SLC25A21: variants seen among roughly 807,000 people sequenced by gnomAD.
The protein encoded by SLC25A21 is mitochondrial 2-oxodicarboxylate carrier.
A neutral mutation model predicts 43.8 loss-of-function variants in SLC25A21; 47 were observed. The observed-to-expected ratio is 1.07, with a 90% CI of 0.85 to 1.37. SLC25A21 has a LOEUF of 1.37. Ranked by LOEUF, SLC25A21 falls within the 40% of genes most tolerant of loss-of-function variation. The pLI, the probability that SLC25A21 is intolerant of heterozygous loss-of-function variation, is 0.00. For missense variants in SLC25A21, 352 were observed against 350.2 expected (o/e 1.00, Z -0.04); for synonymous variants, 131 against 121.3 (o/e 1.08, Z -0.52).
intron 1 of SLC25A21, among the ~76,000 whole-genome samples, chr14:37,043,675 A>G (rs1961522170): frequency 6.6e-6 from 1 of 152,126 alleles, no homozygotes. Flanking sequence ...CTGTACCTAC[A>G]AAGACTGCAG....
chr14:36,747,282 A>G (rs1885537084), intron 3 of SLC25A21, among the ~76,000 whole-genome samples: 1 of 152,142 alleles, frequency 6.6e-6, no homozygotes, highest in Non-Finnish European at 1.5e-5. Context: ...CTCTGGAGCC[A>G]CACTCTTTGG....
intron 1 of SLC25A21, among the ~76,000 whole-genome samples, chr14:37,111,089 G>T (rs913390601): frequency 1.3e-5 from 2 of 152,076 alleles, no homozygotes; most frequent in Non-Finnish European, 2.9e-5. Context: ...TTCTCTCAAT[G>T]CCTCAATGTT....
chr14:36,846,355 A>T (rs1889542184), intron 2 of SLC25A21, among the ~76,000 whole-genome samples: 1 of 152,144 alleles, frequency 6.6e-6, no homozygotes, highest in Non-Finnish European at 1.5e-5. Context: ...GAAACCCATC[A>T]TCATTTCCAT....
intron 1 of SLC25A21, among the ~76,000 whole-genome samples, chr14:37,112,828 T>C (rs1594799120): frequency 6.6e-6 from 1 of 152,180 alleles, no homozygotes; most frequent in Non-Finnish European, 1.5e-5. Flanking sequence ...CTTCACCTTA[T>C]GGAATGAAAA....
At chr14:37,137,837 T>A (rs73266178) in intron 1 of SLC25A21, among the ~76,000 whole-genome samples, 3,799 of 152,266 alleles carry the variant, frequency 0.025, 165 homozygotes, top group African/African-American at 0.086. Context: ...TGTCTGTATG[T>A]CAATGAATTC....
At chr14:36,932,079 T>A (rs1483365579) in intron 1 of SLC25A21, among the ~76,000 whole-genome samples, 1 of 152,132 alleles carries the variant, frequency 6.6e-6, no homozygotes, top group Non-Finnish European at 1.5e-5. Context: ...TGTGCTTCAG[T>A]CTTATAAATT....
At chr14:36,722,642 A>G (rs1298898191) in intron 6 of SLC25A21, among the ~76,000 whole-genome samples, 1 of 152,212 alleles carries the variant, frequency 6.6e-6, no homozygotes, top group South Asian at 2.1e-4. Flanking sequence ...AAAATATATT[A>G]TTAAATTAAT....
At chr14:36,910,300 A>G (rs1412682466) in intron 1 of SLC25A21, among the ~76,000 whole-genome samples, 1 of 152,124 alleles carries the variant, frequency 6.6e-6, no homozygotes, top group African/African-American at 2.4e-5. Context: ...AGCGTCTATA[A>G]AGTATCAAAG....
chr14:37,098,826 A>C (rs1375162898), intron 1 of SLC25A21, among the ~76,000 whole-genome samples: 1 of 148,192 alleles, frequency 6.7e-6, no homozygotes, highest in African/African-American at 2.5e-5. Context: ...TTTTTGAGAC[A>C]AAGTCTCATT....
At chr14:37,127,535 G>A (rs1335098663) in intron 1 of SLC25A21, among the ~76,000 whole-genome samples, 1 of 152,062 alleles carries the variant, frequency 6.6e-6, no homozygotes, top group African/African-American at 2.4e-5. Flanking sequence ...TTTAGTCAAT[G>A]GCGAAAGCTC....
chr14:36,684,659 G>T, intron 8 of SLC25A21, 85 bp downstream of exon 8: 3 of 1,295,074 alleles, frequency 2.3e-6, no homozygotes, highest in Non-Finnish European at 2.1e-6. Context: ...AGGGCTTACT[G>T]GTTCTCATCT....
chr14:36,818,748 T>C (rs1294829529), intron 2 of SLC25A21, among the ~76,000 whole-genome samples: 1 of 152,234 alleles, frequency 6.6e-6, no homozygotes, highest in Non-Finnish European at 1.5e-5. Flanking sequence ...TTTTGGTCAA[T>C]CATGTAAAAC....
At chr14:36,922,518 A>C (rs866902938) in intron 1 of SLC25A21, among the ~76,000 whole-genome samples, 1 of 142,676 alleles carries the variant, frequency 7.0e-6, no homozygotes, top group South Asian at 2.2e-4. Flanking sequence ...GAGGGGCTTC[A>C]GAAATCCTCA....
chr14:37,075,702 T>C (rs1962265774), intron 1 of SLC25A21, among the ~76,000 whole-genome samples: 1 of 152,170 alleles, frequency 6.6e-6, no homozygotes, highest in Non-Finnish European at 1.5e-5. Flanking sequence ...CCATGTCACA[T>C]GGTGGTCGAA....
chr14:36,902,218 T>G lies in SLC25A21; in HGVS notation c.71-27214A>C, dbSNP rs942455384. ...CCCCAAATGTGTGGAAATACTGGAT[T>G]CCTCAGACAACCTTGAGAAGCTTTC... On this transcript the variant is annotated intron_variant, in intron 1 of 9. Transcript: ENST00000331299. 2.0e-5 allele frequency among the ~76,000 whole-genome samples: 3 copies of G among 152,310 alleles called. 1 individual carries two copies. The highest frequency in any genetic ancestry group is 4.1e-4 in the South Asian group (2 of 4,826).
intron 1 of SLC25A21, among the ~76,000 whole-genome samples, chr14:37,033,987 T>G (rs972911331): frequency 6.6e-6 from 1 of 152,006 alleles, no homozygotes; most frequent in Admixed American, 6.6e-5. Context: ...CAAATGGCAC[T>G]ATGATATTCT....
At chr14:36,812,427 C>T (rs1384942600) in intron 3 of SLC25A21, among the ~76,000 whole-genome samples, 1 of 151,044 alleles carries the variant, frequency 6.6e-6, no homozygotes, top group Non-Finnish European at 1.5e-5. Context: ...ATGTACTTTA[C>T]TGTACCAATA....
At chr14:36,828,470 A>G (rs1041422408) in intron 2 of SLC25A21, 1 of 152,186 alleles carries the variant, frequency 6.6e-6, no homozygotes, top group Non-Finnish European at 1.5e-5. Context: ...CACTCACAAG[A>G]TGGAAGCAGA....
chr14:36,963,129 T>G (rs748951289), intron 1 of SLC25A21, among the ~76,000 whole-genome samples: 12 of 152,316 alleles, frequency 7.9e-5, no homozygotes, highest in South Asian at 4.1e-4. Context: ...GAAATATTTT[T>G]CACTTTCCTT....
Sources: allele counts gnomAD v4.1 joint callset (sites outside exome capture counted in the v4.1 genomes callset), GRCh38; gene constraint gnomAD v4.1.1; transcripts MANE v1.5; gene names NCBI Gene and HGNC (gene_info 2026-07-23, HGNC 2026-07-21).